SCHIP1: variants seen among roughly 807,000 people sequenced by gnomAD.
SCHIP1 encodes schwannomin interacting protein 1, also known as schwannomin-interacting protein 1.
In SCHIP1, 8 loss-of-function variants were observed where a neutral mutation model predicts 29.7. The ratio of observed to expected loss-of-function variants is 0.27; its 90% CI spans 0.16 to 0.49. The LOEUF is 0.49. SCHIP1 is among the 20% of genes least tolerant of loss of function. SCHIP1 has a pLI of 0.99. For missense variants in SCHIP1, 193 were observed against 294.6 expected, an observed-to-expected ratio of 0.66 and a Z score of 2.52; for synonymous variants, 76 against 94.9, an observed-to-expected ratio of 0.80 and a Z score of 1.16.
At chr3:159,750,263 G>GTATATATATA in the SCHIP1 span, among the ~76,000 whole-genome samples, 127 of 24,846 alleles carry the variant, frequency 5.1e-3, no homozygotes, top group Admixed American at 0.03. Context: ...ATGTGTGTGT[G>GTATATATATA]TATATATATA....
the SCHIP1 span, among the ~76,000 whole-genome samples, chr3:159,524,161 G>A: frequency 7.9e-5 from 12 of 152,286 alleles, no homozygotes; most frequent in South Asian, 6.2e-4. Context: ...TATGCACCAC[G>A]TAGAAATGTC....
the SCHIP1 span, among the ~76,000 whole-genome samples, chr3:159,482,553 G>A: frequency 4.6e-5 from 7 of 152,282 alleles, no homozygotes; most frequent in East Asian, 1.4e-3. Context: ...CTGTGAAAAT[G>A]ACAACTGCAT....
intron 1 of SCHIP1, among the ~76,000 whole-genome samples, chr3:159,844,131 C>T (rs1205831638): frequency 6.6e-6 from 1 of 152,342 alleles, no homozygotes; most frequent in East Asian, 1.9e-4. Flanking sequence ...CTTCTGAGCA[C>T]ATCAGGGGTT....
At chr3:159,739,336 A>C in the SCHIP1 span, among the ~76,000 whole-genome samples, 2 of 152,326 alleles carry the variant, frequency 1.3e-5, no homozygotes, top group East Asian at 3.9e-4. Flanking sequence ...TTGGCTACTG[A>C]GTGGAGAGTA....
the SCHIP1 span, among the ~76,000 whole-genome samples, chr3:159,578,713 A>T: frequency 6.6e-6 from 1 of 151,962 alleles, no homozygotes; most frequent in Non-Finnish European, 1.5e-5. Flanking sequence ...AGTCAGCAGC[A>T]GCATAGTATC....
chr3:159,868,189 ATG>A (rs1269666555), intron 2 of SCHIP1, among the ~76,000 whole-genome samples: 1 of 151,270 alleles, frequency 6.6e-6, no homozygotes, highest in East Asian at 1.9e-4. Flanking sequence ...ACATATATAT[ATG>A]TGTCTTTGTG....
At chr3:159,891,950 T>G in intron 5 of SCHIP1, 147 bp from the exon 7 acceptor site, 1 of 854,972 alleles carries the variant, frequency 1.2e-6, no homozygotes. Context: ...ACTAGACACG[T>G]TTCTGCAACA....
chr3:159,425,482 G>A, the SCHIP1 span, among the ~76,000 whole-genome samples: 4 of 152,066 alleles, frequency 2.6e-5, no homozygotes, highest in African/African-American at 9.7e-5. Context: ...AATTCAACAA[G>A]AAGAGCTAAC....
At chr3:159,292,571 G>C in the SCHIP1 span, among the ~76,000 whole-genome samples, 1 of 152,132 alleles carries the variant, frequency 6.6e-6, no homozygotes, top group Non-Finnish European at 1.5e-5. Flanking sequence ...ATCTAGGAGA[G>C]GAGGGGAACC....
chr3:159,315,217 G>A, the SCHIP1 span, among the ~76,000 whole-genome samples: 1 of 57,470 alleles, frequency 1.7e-5, no homozygotes, highest in Non-Finnish European at 3.6e-5. Context: ...TTTTTTTTTT[G>A]AGATGGAGTC....
chr3:159,626,999 A>C, the SCHIP1 span, among the ~76,000 whole-genome samples: 1 of 152,134 alleles, frequency 6.6e-6, no homozygotes, highest in African/African-American at 2.4e-5. Context: ...CCCCACGTGC[A>C]TTAGGTATTT....
the SCHIP1 span, among the ~76,000 whole-genome samples, chr3:159,543,123 A>C: frequency 1.4e-3 from 200 of 144,274 alleles, no homozygotes; most frequent in Middle Eastern, 3.5e-3. Flanking sequence ...GTGTGTATAT[A>C]TATATATATA....
the SCHIP1 span, among the ~76,000 whole-genome samples, chr3:159,603,157 AG>A: frequency 1.3e-5 from 2 of 152,202 alleles, no homozygotes; most frequent in African/African-American, 4.8e-5. Flanking sequence ...TTTATTATAA[AG>A]GGTATTACAA....
chr3:159,760,976 C>T, the SCHIP1 span, among the ~76,000 whole-genome samples: 4 of 152,180 alleles, frequency 2.6e-5, no homozygotes. Flanking sequence ...GAATGTCACC[C>T]GACCCAGTAA....
chr3:159,420,929 T>C, the SCHIP1 span, among the ~76,000 whole-genome samples: 6 of 152,330 alleles, frequency 3.9e-5, no homozygotes, highest in East Asian at 1.2e-3. Context: ...TATTTGTTTA[T>C]GGATTAGATT....
the SCHIP1 span, among the ~76,000 whole-genome samples, chr3:159,767,946 C>T: frequency 6.6e-6 from 1 of 152,202 alleles, no homozygotes; most frequent in South Asian, 2.1e-4. Context: ...TGGAACATGC[C>T]TGGGATGGAG....
the SCHIP1 span, among the ~76,000 whole-genome samples, chr3:159,826,799 A>G: frequency 2.0e-5 from 3 of 152,238 alleles, no homozygotes; most frequent in Admixed American, 6.5e-5. Context: ...TGTGGGCCCA[A>G]CTTATGTGTC....
chr3:159,505,296 T>G, the SCHIP1 span, among the ~76,000 whole-genome samples: 1 of 152,132 alleles, frequency 6.6e-6, no homozygotes, highest in Non-Finnish European at 1.5e-5. Context: ...ATGAATTCAA[T>G]GCAATCCAAT....
chr3:159,804,197 A>G, the SCHIP1 span, among the ~76,000 whole-genome samples: 5 of 152,200 alleles, frequency 3.3e-5, no homozygotes, highest in African/African-American at 4.8e-5. Context: ...AACTATAGGA[A>G]ATCCCACTCT....
Sources: allele counts gnomAD v4.1 joint callset (sites outside exome capture counted in the v4.1 genomes callset), GRCh38; gene constraint gnomAD v4.1.1; transcripts MANE v1.5; gene names NCBI Gene and HGNC (gene_info 2026-07-23, HGNC 2026-07-21).